CEP290: variants seen among roughly 807,000 people sequenced by gnomAD.
The protein encoded by CEP290 is centrosomal protein 290.
CEP290 carries 317 observed loss-of-function variants against 344.9 expected under a neutral mutation model. That is an observed-to-expected ratio of 0.92 (90% CI 0.84 to 1.01). CEP290 has a LOEUF of 1.01. Among genes scored for constraint, CEP290 ranks in the 50% least tolerant of loss-of-function variants. The probability of loss-of-function intolerance (pLI) is 0.00; values close to 1 mark genes in which losing one functional copy is unlikely to be tolerated. For missense variants in CEP290, 2,754 were observed against 2,761.4 expected, an observed-to-expected ratio of 1.00 and a Z score of 0.06; for synonymous variants, 932 against 895.8, an observed-to-expected ratio of 1.04 and a Z score of -0.72.
chr12:88,125,798 T>G (rs944141694), intron 12 of CEP290, among the ~76,000 whole-genome samples: 6 of 152,108 alleles, frequency 3.9e-5, no homozygotes, highest in African/African-American at 1.4e-4. Flanking sequence ...TTATTCAGCA[T>G]ACACTTTTCA....
chr12:88,109,701 C>A (rs1373799923), intron 22 of CEP290, among the ~76,000 whole-genome samples: 2 of 152,106 alleles, frequency 1.3e-5, no homozygotes, highest in Non-Finnish European at 2.9e-5. Flanking sequence ...AAAGGTCTTG[C>A]CACGTTTATA....
At chr12:88,085,970 A>C (rs992147523) in intron 34 of CEP290, 69 bp downstream of exon 34, 13 of 1,405,998 alleles carry the variant, frequency 9.2e-6, no homozygotes, top group African/African-American at 1.4e-5. Flanking sequence ...TCATAAAGAA[A>C]TATTATTTAG....
chr12:88,053,785 A>T, intron 51 of CEP290, 39 bp from the exon 52 acceptor site: 1 of 1,021,896 alleles, frequency 9.8e-7, no homozygotes, highest in Non-Finnish European at 1.4e-6. Context: ...AATAAAGCAG[A>T]TATTGCTTCA....
intron 13 of CEP290, among the ~76,000 whole-genome samples, 157 bp downstream of exon 13, chr12:88,125,089 G>A (rs1341842219): frequency 6.6e-6 from 1 of 151,570 alleles, no homozygotes; most frequent in Non-Finnish European, 1.5e-5. Flanking sequence ...GTAAGCACTA[G>A]TAATATAAGT....
chr12:88,111,992 G>T, intron 20 of CEP290, 134 bp from the exon 21 acceptor site: 1 of 558,778 alleles, frequency 1.8e-6, no homozygotes, highest in Non-Finnish European at 2.9e-6. Flanking sequence ...AATAAAGTAT[G>T]CCAATTCAAA....
In CEP290 at chr12:88,061,005, A is replaced by G; in HGVS notation, c.6358-11T>C. On this transcript the variant is annotated splice_polypyrimidine_tract_variant and intron_variant, in intron 46 of 53. Transcript: ENST00000552810. ...TCCACTTCTACCAGACTACGAAAGA[A>G]TATGTTAAATCTTTAATCAAATATT... The G allele has an allele frequency of 1.3e-6, 2 of 1,527,520 alleles. No individual in the cohort carries two copies. The highest frequency in any genetic ancestry group is 1.7e-4 in the Middle Eastern group (1 of 5,734). 94.6% of individuals were successfully genotyped at this position (1,527,520 alleles called of 1,614,324 possible).
intron 14 of CEP290, among the ~76,000 whole-genome samples, chr12:88,120,710 A>G (rs2039347130): frequency 6.6e-6 from 1 of 152,178 alleles, no homozygotes; most frequent in African/African-American, 2.4e-5. Flanking sequence ...GTGGTGTCAC[A>G]TCTACATGGT....
chr12:88,094,675 G>T (rs962088533), intron 27 of CEP290, among the ~76,000 whole-genome samples: 1 of 151,914 alleles, frequency 6.6e-6, no homozygotes, highest in African/African-American at 2.4e-5. Context: ...TTTTTTGAGG[G>T]GGGGGGAAGA....
At chr12:88,089,981 T>TC (rs1295831395) in intron 30 of CEP290, among the ~76,000 whole-genome samples, 1 of 152,142 alleles carries the variant, frequency 6.6e-6, no homozygotes, top group Non-Finnish European at 1.5e-5. Context: ...TGCCTCGGCC[T>TC]CCCAGAGTGC....
intron 17 of CEP290, 143 bp downstream of exon 17, chr12:88,118,340 C>T (rs957273505): frequency 1.1e-5 from 7 of 659,188 alleles, no homozygotes; most frequent in African/African-American, 9.1e-5. Context: ...TCACTTATCT[C>T]CTTCAGGTTA....
chr12:88,115,528 A>G, intron 18 of CEP290: 1 of 1,293,846 alleles, frequency 7.7e-7, no homozygotes, highest in South Asian at 1.2e-5. Context: ...GCATTTCTAC[A>G]CTCTGCTTCT....
rs2137212322 is a variant in CEP290, at chr12:88,086,105, T to C, written c.4371A>G (p.Leu1457=). Reference sequence around the variant, plus strand: ...TTCGAATGTTCTCCTTAATTTTCCTTAGAGCGATCTCAAGTTGATTTGGAA... The same window carrying C: ...TTCGAATGTTCTCCTTAATTTTCCTCAGAGCGATCTCAAGTTGATTTGGAA... ...LPLPNQLEIA[L]RKIKENIRII... The change falls in exon 34 of 54, where the codon CTA becomes CTG. Residue 1457 remains leucine (L), a synonymous_variant. Transcript: ENST00000552810. The C allele has an allele frequency of 6.2e-7, 1 of 1,613,284 alleles. No homozygotes were observed. Among genetic ancestry groups the C allele is most frequent in the Non-Finnish European group, 8.5e-7 (1 of 1,179,610 alleles).
chr12:88,096,364 A>G (rs2037433621), intron 27 of CEP290, among the ~76,000 whole-genome samples: 1 of 152,116 alleles, frequency 6.6e-6, no homozygotes, highest in Non-Finnish European at 1.5e-5. Context: ...TATTTTTGAT[A>G]TTACTATCTA....
In CEP290 at chr12:88,111,238, A is replaced by C; in HGVS notation, c.2331T>G (p.Ile777Met). The change falls in exon 22 of 54, where the codon ATT (isoleucine) becomes ATG (methionine). Residue 777 changes from isoleucine to methionine, a missense_variant. Transcript: ENST00000552810. ...DGIAPSSASI[I>M]NSQNEYLIHL... Reference sequence around the variant, plus strand: ...GTATTAAATATTCATTCTGAGAATTAATGATACTGGCACTAGATGGTGCTA... The same window carrying C: ...GTATTAAATATTCATTCTGAGAATTCATGATACTGGCACTAGATGGTGCTA... 1 of 1,448,768 alleles carries C rather than the reference A, an allele frequency of 6.9e-7. No homozygotes were observed. 89.7% of individuals were successfully genotyped at this position (1,448,768 alleles called of 1,614,324 possible).
At chr12:88,130,147 A>C (rs562838935) in intron 9 of CEP290, 121 bp downstream of exon 9, 69 of 1,056,614 alleles carry the variant, frequency 6.5e-5, no homozygotes, top group Non-Finnish European at 8.3e-5. Context: ...ACATTTTACA[A>C]GTACATAGTG....
rs982562258 is a variant in CEP290 at position 88,049,074 on chromosome 12, A to G, written c.*110T>C. 2 of 583,588 alleles carry G rather than the reference A, an allele frequency of 3.4e-6. No homozygotes were observed. The highest frequency in any genetic ancestry group is 2.0e-5 in the African/African-American group (1 of 51,246). 36.2% of individuals were successfully genotyped at this position (583,588 alleles called of 1,614,324 possible). A position where few individuals can be genotyped will look rare whatever the true frequency, so the allele number is the denominator to read the frequency against. On this transcript the variant is annotated 3_prime_UTR_variant, in exon 54 of 54. Coordinates refer to ENST00000552810, the MANE Select transcript of CEP290 (RefSeq NM_025114.4). Reference sequence around the variant, plus strand: ...AGAATTCCAATCTAAGTATAAAGGTACAAGGTAGTGAGAAGGAAATACTAC... The same window carrying G: ...AGAATTCCAATCTAAGTATAAAGGTGCAAGGTAGTGAGAAGGAAATACTAC...
chr12:88,077,575 C>T, intron 40 of CEP290, 122 bp downstream of exon 40: 3 of 714,004 alleles, frequency 4.2e-6, no homozygotes, highest in Non-Finnish European at 6.7e-6. Context: ...AAATTAATTA[C>T]ATTAATCAAA....
chr12:88,106,803 T>C lies in CEP290; in HGVS notation c.2689A>G (p.Ile897Val), dbSNP rs952606593. The C allele has an allele frequency of 1.2e-6, 2 of 1,608,488 alleles. No individual in the cohort carries two copies. Among genetic ancestry groups the C allele is most frequent in the Non-Finnish European group, 1.7e-6 (2 of 1,176,990 alleles). Residue 897 changes from isoleucine (I) to valine (V), a missense_variant, in exon 25 of 54, where the codon ATA becomes GTA. By Grantham distance (29) the Ile-to-Val change is conservative (BLOSUM62 3). Transcript: ENST00000552810. ...TCTACTAAGGTTGTATATTGCCTTATAAGTGATTTTTCATTCACTTGCAAA... is the reference window on the plus strand; with the variant it reads ...TCTACTAAGGTTGTATATTGCCTTACAAGTGATTTTTCATTCACTTGCAAA... Reference protein sequence around the residue: ...TVLQVNEKSLIRQYTTLVELE... With the variant: ...TVLQVNEKSLVRQYTTLVELE...
intron 52 of CEP290, among the ~76,000 whole-genome samples, chr12:88,053,407 C>A (rs2033724085): frequency 6.6e-6 from 1 of 152,036 alleles, no homozygotes; most frequent in Non-Finnish European, 1.5e-5. Context: ...AAATCTGTAA[C>A]ACCCAGATGG....
Sources: gnomAD v4.1 joint callset for allele counts (sites outside exome capture counted in the v4.1 genomes callset) on GRCh38, gnomAD v4.1.1 for gene constraint, MANE v1.5 for transcripts, NCBI Gene and HGNC (gene_info 2026-07-23, HGNC 2026-07-21) for gene names.